RBM47: variants seen among roughly 807,000 people sequenced by gnomAD.
RBM47 encodes RNA-binding protein 47.
A neutral mutation model predicts 47.1 loss-of-function variants in RBM47; 21 were observed. The observed-to-expected ratio is 0.45, with a 90% CI of 0.32 to 0.64. RBM47 has a LOEUF of 0.64. Among genes scored for constraint, RBM47 ranks in the 30% least tolerant of loss-of-function variants. The pLI is 0.05. For missense variants in RBM47, 708 were observed against 870.9 expected (o/e 0.81, Z 2.35); for synonymous variants, 375 against 361.7 (o/e 1.04, Z -0.42).
chr4:40,465,455 T>C (rs1430426990), intron 3 of RBM47, among the ~76,000 whole-genome samples: 1 of 151,184 alleles, frequency 6.6e-6, no homozygotes, highest in Non-Finnish European at 1.5e-5. Flanking sequence ...AGCTCAGAGG[T>C]TCAAGACCAG....
intron 3 of RBM47, among the ~76,000 whole-genome samples, chr4:40,451,941 G>A (rs962322500): frequency 1.3e-5 from 2 of 152,158 alleles, no homozygotes; most frequent in African/African-American, 4.8e-5. Flanking sequence ...AGGCCAAGGC[G>A]GGCAGATTGC....
chr4:40,522,710 T>C (rs960671875), intron 2 of RBM47, among the ~76,000 whole-genome samples: 8 of 152,104 alleles, frequency 5.3e-5, no homozygotes, highest in African/African-American at 1.9e-4. Flanking sequence ...GAAGCAAATA[T>C]GAGCATACAG....
intron 2 of RBM47, among the ~76,000 whole-genome samples, chr4:40,500,734 T>C (rs775686784): frequency 3.3e-5 from 5 of 152,232 alleles, no homozygotes; most frequent in Non-Finnish European, 5.9e-5. Flanking sequence ...CTTCTGAATT[T>C]TACCAAATGA....
intron 2 of RBM47, among the ~76,000 whole-genome samples, chr4:40,519,952 G>A (rs1560441327): frequency 1.3e-5 from 2 of 151,968 alleles, no homozygotes; most frequent in African/African-American, 4.8e-5. Context: ...ACAGGCATAA[G>A]CCACCGTGCC....
chr4:40,609,292 C>A (rs561934170), intron 1 of RBM47, among the ~76,000 whole-genome samples: 1 of 148,890 alleles, frequency 6.7e-6, no homozygotes, highest in East Asian at 2.0e-4. Context: ...GCCTGGCCTG[C>A]TAATTTTTTA....
chr4:40,562,525 G>T (rs1341101105), intron 1 of RBM47, among the ~76,000 whole-genome samples: 1 of 148,474 alleles, frequency 6.7e-6, no homozygotes, highest in Non-Finnish European at 1.5e-5. Context: ...GAGTGCACTG[G>T]TGCGACCTCG....
intron 2 of RBM47, chr4:40,542,892 T>C (rs1335575145): frequency 1.3e-5 from 2 of 152,170 alleles, no homozygotes; most frequent in Non-Finnish European, 2.9e-5. Context: ...AGCCCACTCA[T>C]TACTCTGTTA....
intron 1 of RBM47, among the ~76,000 whole-genome samples, chr4:40,605,560 G>C (rs1275116206): frequency 6.6e-6 from 1 of 152,028 alleles, no homozygotes; most frequent in East Asian, 1.9e-4. Context: ...GCCGGGCACG[G>C]TGGCTCACGC....
Position 40,555,704 on chromosome 4 carries a change from G to A in RBM47, c.-239-11198C>T, listed in dbSNP as rs1424450304. On this transcript the variant is annotated intron_variant, in intron 1 of 6. Coordinates refer to ENST00000295971, the MANE Select transcript of RBM47 (RefSeq NM_001098634.2). ...AATTCTGCAGGCCATGCCTGCGGCC[G>A]CCACATCATCCTGCCTCTCTCATGA... Among the ~76,000 whole-genome samples the A allele has an allele frequency of 8.5e-5, 13 of 152,290 alleles. No homozygotes were observed. In the East Asian group the frequency reaches 2.1e-3, roughly 25 times the overall value.
At chr4:40,563,975 G>A (rs1730864738) in intron 1 of RBM47, among the ~76,000 whole-genome samples, 2 of 152,304 alleles carry the variant, frequency 1.3e-5, no homozygotes, top group South Asian at 4.1e-4. Context: ...CACTTTGGGA[G>A]GCCAAGGCAG....
chr4:40,495,993 A>G (rs1430515446), intron 2 of RBM47, among the ~76,000 whole-genome samples: 2 of 152,202 alleles, frequency 1.3e-5, no homozygotes, highest in Non-Finnish European at 2.9e-5. Context: ...ATGTCCTGAC[A>G]GTGTTAACTG....
intron 1 of RBM47, among the ~76,000 whole-genome samples, chr4:40,603,901 G>A (rs1446822280): frequency 2.0e-5 from 3 of 152,060 alleles, no homozygotes; most frequent in South Asian, 2.1e-4. Context: ...ACTCCCAGCC[G>A]GCACCAGGCA....
chr4:40,528,812 A>G (rs1442309184), intron 2 of RBM47, among the ~76,000 whole-genome samples: 2 of 152,028 alleles, frequency 1.3e-5, no homozygotes, highest in South Asian at 2.1e-4. Flanking sequence ...GCATGGTGGC[A>G]TGCGCCTGTG....
In RBM47 at chr4:40,498,261, C is replaced by T. The variant is rs187657151; in HGVS notation, c.-154-31562G>A. 1.3e-3 allele frequency among the ~76,000 whole-genome samples: 191 copies of T among 151,878 alleles called. 1 individual carries two copies. Among genetic ancestry groups the T allele is most frequent in the African/African-American group, 4.4e-3 (184 of 41,456 alleles). ...AAGGTGAGCCTTCCAGTAATGCACA[C>T]CCCAGAATACTGGTTACCTAAAATT... On this transcript the variant is annotated intron_variant, in intron 2 of 6. Coordinates refer to ENST00000295971, the MANE Select transcript of RBM47 (RefSeq NM_001098634.2).
chr4:40,434,858 A>G (rs1412847545), intron 5 of RBM47, among the ~76,000 whole-genome samples: 4 of 152,160 alleles, frequency 2.6e-5, no homozygotes, highest in Non-Finnish European at 4.4e-5. Context: ...GAAGTGTACA[A>G]TCTCAACCAG....
chr4:40,563,052 T>C (rs1403733693), intron 1 of RBM47, among the ~76,000 whole-genome samples: 1 of 152,100 alleles, frequency 6.6e-6, no homozygotes, highest in Non-Finnish European at 1.5e-5. Context: ...TTGCTAAAAA[T>C]TAAAAGTATA....
At chr4:40,540,031 G>A (rs1728356684) in intron 2 of RBM47, among the ~76,000 whole-genome samples, 1 of 152,176 alleles carries the variant, frequency 6.6e-6, no homozygotes, top group Admixed American at 6.6e-5. Flanking sequence ...AGTAGGAAAG[G>A]GTAAGGACTC....
chr4:40,451,062 G>C (rs921049898), intron 3 of RBM47, among the ~76,000 whole-genome samples: 5 of 151,722 alleles, frequency 3.3e-5, no homozygotes, highest in African/African-American at 1.2e-4. Flanking sequence ...AATAGTCAAG[G>C]CTGGCCGGGC....
In RBM47 at chr4:40,438,197, G is replaced by A; in HGVS notation, c.697C>T (p.Pro233Ser). The part of the protein sequence containing the change: ...GHQIAVDWAE[P>S]EIDVDEDVME... ...ACGTCCTCGTCCACGTCGATCTCAG[G>A]TTCGGCCCAGTCCACGGCGATCTGG... is the stretch of plus-strand genomic sequence containing the variant. The change falls in exon 4 of 7, where the codon CCT (proline) becomes TCT (serine). Residue 233 changes from proline (P) to serine (S), a missense_variant. Coordinates refer to ENST00000295971, the MANE Select transcript of RBM47 (RefSeq NM_001098634.2). 1 of 1,608,514 alleles carries A rather than the reference G, an allele frequency of 6.2e-7. No homozygotes were observed. The highest frequency in any genetic ancestry group is 8.5e-7 in the Non-Finnish European group (1 of 1,179,984).
Sources: gnomAD v4.1 joint callset for allele counts (sites outside exome capture counted in the v4.1 genomes callset) on GRCh38, gnomAD v4.1.1 for gene constraint, MANE v1.5 for transcripts, NCBI Gene and HGNC (gene_info 2026-07-23, HGNC 2026-07-21) for gene names.